The following NUCB2 variants were observed in gnomAD, a reference collection of about 807,000 sequenced individuals.
NUCB2 encodes nucleobindin 2.
Under a neutral mutation model 57.9 loss-of-function variants are expected in NUCB2, and 48 were observed. That is an observed-to-expected ratio of 0.83 (90% confidence interval 0.66 to 1.05). The LOEUF is 1.05. Ranked by LOEUF, NUCB2 falls within the 50% of genes least tolerant of loss-of-function variation. The pLI is 0.00. For synonymous variants in NUCB2, 139 were observed against 152.1 expected (o/e 0.91, Z 0.64); for missense variants, 442 against 476.2 (o/e 0.93, Z 0.67).
chr11:17,292,358 G>C (rs1945081040), intron 2 of NUCB2, among the ~76,000 whole-genome samples: 1 of 152,064 alleles, frequency 6.6e-6, no homozygotes, highest in South Asian at 2.1e-4. Flanking sequence ...TTACCTTTGA[G>C]ATGAGCATTC....
At chr11:17,339,889 A>C (rs1952114283) in intron 2 of NUCB2, among the ~76,000 whole-genome samples, 1 of 152,138 alleles carries the variant, frequency 6.6e-6, no homozygotes. Flanking sequence ...GGCTGGGTCA[A>C]ATGGTATTTC....
At chr11:17,345,675 A>C (rs568993105) in intron 2 of NUCB2, among the ~76,000 whole-genome samples, 1 of 152,298 alleles carries the variant, frequency 6.6e-6, no homozygotes, top group South Asian at 2.1e-4. Context: ...CCACTGCACT[A>C]CAGCCTGGGT....
chr11:17,341,020 G>A (rs1249008188), intron 2 of NUCB2, among the ~76,000 whole-genome samples: 3 of 151,758 alleles, frequency 2.0e-5, no homozygotes, highest in Non-Finnish European at 4.4e-5. Flanking sequence ...TGTAATTCTC[G>A]AAGAGGTCCT....
chr11:17,314,204 C>G (rs1019225404), intron 10 of NUCB2, among the ~76,000 whole-genome samples: 2 of 152,130 alleles, frequency 1.3e-5, no homozygotes, highest in Non-Finnish European at 2.9e-5. Context: ...CACTTCCCCC[C>G]ACTTCCACTA....
At chr11:17,298,930 C>T (rs1252784578) in intron 4 of NUCB2, among the ~76,000 whole-genome samples, 1 of 152,156 alleles carries the variant, frequency 6.6e-6, no homozygotes, top group South Asian at 2.1e-4. Flanking sequence ...AACTCCTGAC[C>T]TCAAATGATC....
chr11:17,337,090 G>A, downstream of NUCB2, among the ~76,000 whole-genome samples: 1 of 151,814 alleles, frequency 6.6e-6, no homozygotes. Flanking sequence ...CCAGGTGTGT[G>A]CTTCCATGCC....
chr11:17,300,674 T>G (rs1014134441), intron 4 of NUCB2, among the ~76,000 whole-genome samples: 1 of 152,226 alleles, frequency 6.6e-6, no homozygotes, highest in South Asian at 2.1e-4. Context: ...CGTTCATTAG[T>G]TGATGGACGT....
chr11:17,310,999 G>A lies in NUCB2; in HGVS notation c.658G>A (p.Val220Ile). Residue 220 changes from valine to isoleucine, a missense_variant, in exon 7 of 14, where the codon GTT becomes ATT. Transcript: ENST00000529010. ...GAAAAAGCATGAAAATCACCCTAAA[G>A]TTAATCACCCAGTAAGGATTGTGAC... Reference protein sequence around the residue: ...MKKKHENHPKVNHPGSKDQLK... With the variant: ...MKKKHENHPKINHPGSKDQLK... The A allele has an allele frequency of 6.3e-7, 1 of 1,576,508 alleles. No individual in the cohort carries two copies. Among genetic ancestry groups the A allele is most frequent in the South Asian group, 1.2e-5 (1 of 83,202 alleles).
At chr11:17,308,883 A>G (rs1183084524) in intron 5 of NUCB2, among the ~76,000 whole-genome samples, 2 of 152,232 alleles carry the variant, frequency 1.3e-5, no homozygotes, top group Non-Finnish European at 2.9e-5. Flanking sequence ...AATTATTTTT[A>G]GAAATTCTAC....
chr11:17,345,398 A>T (rs1227975442), intron 2 of NUCB2, among the ~76,000 whole-genome samples: 2 of 152,230 alleles, frequency 1.3e-5, no homozygotes, highest in Non-Finnish European at 2.9e-5. Flanking sequence ...TTTTCAATTT[A>T]AATGTTGAAT....
Position 17,318,030 on chromosome 11 carries a change from C to G in NUCB2, c.1002+2555C>G, listed in dbSNP as rs943920900. Among the ~76,000 whole-genome samples the G allele has an allele frequency of 5.0e-5, 7 of 139,564 alleles. No individual in the cohort carries two copies. In the South Asian group the frequency reaches 9.3e-4, roughly 19 times the overall value. 91.6% of individuals were successfully genotyped at this position (139,564 alleles called of 152,430 possible). ...TAGGAAAAATAAAGACAGAGTCTCTCTCTGTCACCCAGGCTGGAGTACACT... is the reference window on the plus strand; with the variant it reads ...TAGGAAAAATAAAGACAGAGTCTCTGTCTGTCACCCAGGCTGGAGTACACT... On this transcript the variant is annotated intron_variant, in intron 11 of 13. Transcript: ENST00000529010.
intron 11 of NUCB2, among the ~76,000 whole-genome samples, chr11:17,324,709 C>T (rs1302310938): frequency 6.6e-6 from 1 of 152,182 alleles, no homozygotes; most frequent in Non-Finnish European, 1.5e-5. Flanking sequence ...GCTGGGATTA[C>T]TGGCATGAGC....
intron 11 of NUCB2, among the ~76,000 whole-genome samples, 168 bp downstream of exon 11, chr11:17,315,643 G>A (rs572663458): frequency 1.3e-5 from 2 of 152,108 alleles, no homozygotes; most frequent in Non-Finnish European, 2.9e-5. Context: ...TGGAAAGCTT[G>A]TAGCAATTTA....
intron 11 of NUCB2, among the ~76,000 whole-genome samples, chr11:17,325,319 C>G (rs1950538323): frequency 6.6e-6 from 1 of 152,104 alleles, no homozygotes; most frequent in Admixed American, 6.6e-5. Context: ...TGAGGCCTGT[C>G]TTTGTCTTTA....
chr11:17,288,955 A>ATG (rs1944430718), intron 2 of NUCB2, among the ~76,000 whole-genome samples: 1 of 59,278 alleles, frequency 1.7e-5, no homozygotes, highest in Non-Finnish European at 2.9e-5. Context: ...ACACACATAT[A>ATG]TATATATATT....
chr11:17,341,718 C>T (rs1232196833), intron 2 of NUCB2, among the ~76,000 whole-genome samples: 1 of 151,328 alleles, frequency 6.6e-6, no homozygotes, highest in African/African-American at 2.4e-5. Context: ...TTCAGTTTGC[C>T]AGTATTTTAT....
At chr11:17,318,919 G>A (rs570199613) in intron 11 of NUCB2, among the ~76,000 whole-genome samples, 26 of 152,258 alleles carry the variant, frequency 1.7e-4, no homozygotes, top group African/African-American at 5.3e-4. Context: ...GTGCCTACCT[G>A]TAGGCCCAGC....
chr11:17,342,136 T>C (rs1952321997), intron 2 of NUCB2, among the ~76,000 whole-genome samples: 1 of 152,242 alleles, frequency 6.6e-6, no homozygotes, highest in African/African-American at 2.4e-5. Flanking sequence ...GATGGTAGTT[T>C]GTATTTCTGT....
chr11:17,328,440 G>A (rs1950965400), intron 11 of NUCB2, among the ~76,000 whole-genome samples: 1 of 152,116 alleles, frequency 6.6e-6, no homozygotes. Context: ...TAGAAGCCAG[G>A]GAATGGAGTA....
Sources: allele counts gnomAD v4.1 joint callset (sites outside exome capture counted in the v4.1 genomes callset), GRCh38; gene constraint gnomAD v4.1.1; transcripts MANE v1.5; gene names NCBI Gene and HGNC (gene_info 2026-07-23, HGNC 2026-07-21).